SBF2: variants seen among roughly 807,000 people sequenced by gnomAD.
SBF2 encodes SET binding factor 2.
In SBF2, 112 loss-of-function variants were observed where a neutral mutation model predicts 225.2. The observed-to-expected ratio is 0.50, with a 90% confidence interval of 0.43 to 0.58. The LOEUF is 0.58. Ranked by LOEUF, SBF2 falls within the 20% of genes least tolerant of loss-of-function variation. SBF2 has a pLI of 0.00. For synonymous variants in SBF2, 763 were observed against 773.3 expected, an observed-to-expected ratio of 0.99 and a Z score of 0.22; for missense variants, 1,996 against 2,206.2, an observed-to-expected ratio of 0.90 and a Z score of 1.91.
chr11:10,193,393 C>T lies in SBF2; in HGVS notation c.141+509G>A, dbSNP rs914427765. 2.4e-5 allele frequency among the ~76,000 whole-genome samples: 3 copies of T among 126,054 alleles called. No individual in the cohort carries two copies. In the South Asian group the frequency reaches 7.6e-4, roughly 32 times the overall value. The allele number at this position is 126,054 out of a possible 152,430, so 82.7% of individuals were successfully genotyped here. A position where few individuals can be genotyped will look rare whatever the true frequency, so the allele number is the denominator to read the frequency against. Reference sequence around the variant, plus strand: ...TTTTTGAGAGGGAGTCTTGCTCTGTCGCCCAGGCTAGAGCGCAGTGGCACG... The same window carrying T: ...TTTTTGAGAGGGAGTCTTGCTCTGTTGCCCAGGCTAGAGCGCAGTGGCACG... On this transcript the variant is annotated intron_variant, in intron 2 of 39. Transcript: ENST00000256190.
chr11:10,184,587 T>C (rs1956860616), intron 2 of SBF2, among the ~76,000 whole-genome samples: 1 of 152,200 alleles, frequency 6.6e-6, no homozygotes, highest in Non-Finnish European at 1.5e-5. Flanking sequence ...AAATTCACAA[T>C]CTATACCCAC....
At chr11:10,277,209 C>T (rs377299261) in intron 1 of SBF2, among the ~76,000 whole-genome samples, 14 of 150,608 alleles carry the variant, frequency 9.3e-5, no homozygotes, top group African/African-American at 3.2e-4. Flanking sequence ...CGCTTGAGCC[C>T]GGGAGTTTGA....
At chr11:9,928,727 C>A (rs931514117) in intron 16 of SBF2, among the ~76,000 whole-genome samples, 7 of 152,132 alleles carry the variant, frequency 4.6e-5, no homozygotes, top group African/African-American at 1.7e-4. Context: ...AATGGATAAG[C>A]AAAAGTAACT....
In SBF2 at chr11:10,198,187, A is replaced by G. The variant is rs115990531; in HGVS notation, c.56-4200T>C. Among the ~76,000 whole-genome samples the G allele has an allele frequency of 5.3e-3, 808 of 152,350 alleles. 8 individuals are homozygous for G. Among genetic ancestry groups the G allele is most frequent in the African/African-American group, 0.018 (755 of 41,578 alleles). ...AGAGGAATCACTACCTATGGCAGCT[A>G]CAGGCTTATGGAATGTATTTCTTAA... On this transcript the variant is annotated intron_variant, in intron 1 of 39. Coordinates refer to ENST00000256190, the MANE Select transcript of SBF2 (RefSeq NM_030962.4).
chr11:10,131,051 C>A (rs944937956), intron 2 of SBF2, among the ~76,000 whole-genome samples: 3 of 152,082 alleles, frequency 2.0e-5, no homozygotes, highest in Non-Finnish European at 4.4e-5. Context: ...CCCAAGAGTA[C>A]AACTGCTGAG....
At chr11:9,888,028 A>C (rs866561529) in intron 17 of SBF2, among the ~76,000 whole-genome samples, 2 of 152,174 alleles carry the variant, frequency 1.3e-5, no homozygotes, top group Admixed American at 1.3e-4. Flanking sequence ...AATACTATGA[A>C]AGTCGGCATA....
intron 2 of SBF2, among the ~76,000 whole-genome samples, chr11:10,180,517 T>C (rs1956696132): frequency 6.6e-6 from 1 of 152,168 alleles, no homozygotes; most frequent in Non-Finnish European, 1.5e-5. Context: ...ATCCTTGACC[T>C]TTGGGAGTTT....
chr11:10,068,015 T>C (rs548401051), intron 2 of SBF2, among the ~76,000 whole-genome samples: 3 of 152,354 alleles, frequency 2.0e-5, no homozygotes, highest in South Asian at 4.1e-4. Context: ...AGTGTAACTA[T>C]TGTTAGGTGT....
intron 2 of SBF2, among the ~76,000 whole-genome samples, chr11:10,059,534 T>C (rs990061405): frequency 4.6e-5 from 7 of 152,198 alleles, no homozygotes; most frequent in South Asian, 4.1e-4. Context: ...ATGGATCTCA[T>C]AGACCTTTAC....
chr11:10,177,081 A>T (rs1285981716), intron 2 of SBF2, among the ~76,000 whole-genome samples: 3 of 151,970 alleles, frequency 2.0e-5, no homozygotes, highest in African/African-American at 7.2e-5. Flanking sequence ...ACAGAACCAA[A>T]GACAAAAACC....
chr11:10,123,114 A>G (rs1473864382), intron 2 of SBF2, among the ~76,000 whole-genome samples: 3 of 152,118 alleles, frequency 2.0e-5, no homozygotes, highest in Admixed American at 6.5e-5. Flanking sequence ...TCAACTATAG[A>G]AAACCCTTCT....
chr11:10,064,080 T>A (rs1950550981), intron 2 of SBF2, among the ~76,000 whole-genome samples: 2 of 152,194 alleles, frequency 1.3e-5, no homozygotes, highest in African/African-American at 4.8e-5. Context: ...AGATTTTTTT[T>A]ATTATTTAAA....
chr11:9,831,821 C>T (rs1211952819), intron 27 of SBF2, among the ~76,000 whole-genome samples: 2 of 152,156 alleles, frequency 1.3e-5, no homozygotes, highest in Non-Finnish European at 2.9e-5. Flanking sequence ...GGATGGATAT[C>T]TCATATCACA....
intron 2 of SBF2, among the ~76,000 whole-genome samples, chr11:10,111,987 G>A (rs1952884444): frequency 6.6e-6 from 1 of 152,190 alleles, no homozygotes; most frequent in South Asian, 2.1e-4. Flanking sequence ...GCAGTTATAA[G>A]CTGTATTTAG....
chr11:10,132,904 A>C (rs940247151), intron 2 of SBF2, among the ~76,000 whole-genome samples: 1 of 148,790 alleles, frequency 6.7e-6, no homozygotes, highest in Non-Finnish European at 1.5e-5. Flanking sequence ...GTTAGATACA[A>C]AGTTTCCACA....
chr11:9,797,534 A>G (rs1260550264), intron 32 of SBF2, among the ~76,000 whole-genome samples: 1 of 152,242 alleles, frequency 6.6e-6, no homozygotes, highest in Non-Finnish European at 1.5e-5. Flanking sequence ...TCCATGGGAC[A>G]TGGCTCTGAA....
chr11:10,196,864 A>ATTTTTTTTTT (rs1464688140), intron 1 of SBF2, among the ~76,000 whole-genome samples: 2 of 61,960 alleles, frequency 3.2e-5, no homozygotes, highest in African/African-American at 1.1e-4. Context: ...ATATATATAT[A>ATTTTTTTTTT]TATTTTTTTT....
At chr11:9,782,930 C>A (rs761339329) in intron 38 of SBF2, 1 of 151,624 alleles carries the variant, frequency 6.6e-6, no homozygotes, top group African/African-American at 2.4e-5. Context: ...AGGGAATAAG[C>A]CTTATTGGGC....
At chr11:10,136,138 C>T (rs1954340014) in intron 2 of SBF2, among the ~76,000 whole-genome samples, 1 of 152,172 alleles carries the variant, frequency 6.6e-6, no homozygotes, top group African/African-American at 2.4e-5. Context: ...TTTATAACAC[C>T]ATCAGATCTC....
Sources: gnomAD v4.1 joint callset for allele counts (sites outside exome capture counted in the v4.1 genomes callset) on GRCh38, gnomAD v4.1.1 for gene constraint, MANE v1.5 for transcripts, NCBI Gene and HGNC (gene_info 2026-07-23, HGNC 2026-07-21) for gene names.